The following DPP10 variants were observed in gnomAD, a reference collection of about 807,000 sequenced individuals.
The protein encoded by DPP10 is inactive dipeptidyl peptidase 10.
Under a neutral mutation model 120.9 loss-of-function variants are expected in DPP10, and 33 were observed. The observed-to-expected ratio is 0.27, with a 90% confidence interval of 0.21 to 0.37. DPP10 has a LOEUF of 0.37. DPP10 is among the 10% of genes least tolerant of loss of function. DPP10 has a pLI of 1.00. For synonymous variants in DPP10, 337 were observed against 326.1 expected, an observed-to-expected ratio of 1.03 and a Z score of -0.36; for missense variants, 816 against 942.8, an observed-to-expected ratio of 0.87 and a Z score of 1.76.
intron 21 of DPP10, among the ~76,000 whole-genome samples, chr2:115,819,310 A>G (rs1214972013): frequency 1.3e-5 from 2 of 152,198 alleles, no homozygotes; most frequent in Non-Finnish European, 2.9e-5. Context: ...TTCACTTCAT[A>G]TAACTTTTCA....
chr2:115,063,432 T>C (rs551010305), intron 1 of DPP10, among the ~76,000 whole-genome samples: 14 of 151,990 alleles, frequency 9.2e-5, no homozygotes, highest in African/African-American at 3.4e-4. Context: ...GTTTCAATTG[T>C]TACCAAAAAA....
chr2:115,365,090 A>G (rs2065003657), intron 3 of DPP10, among the ~76,000 whole-genome samples: 1 of 152,270 alleles, frequency 6.6e-6, no homozygotes, highest in Non-Finnish European at 1.5e-5. Flanking sequence ...TCTTCCAATT[A>G]CTAAGGTAAG....
chr2:115,376,130 A>G (rs2065775543), intron 3 of DPP10, among the ~76,000 whole-genome samples: 1 of 152,236 alleles, frequency 6.6e-6, no homozygotes, highest in South Asian at 2.1e-4. Context: ...GCAGCAAGGT[A>G]TAAAACAAAT....
chr2:114,559,891 C>CAAAAAAAAAAAAAAA (rs60833358), intron 1 of DPP10, among the ~76,000 whole-genome samples: 181 of 65,552 alleles, frequency 2.8e-3, no homozygotes, highest in East Asian at 5.4e-3. Flanking sequence ...AGAAAAAAAG[C>CAAAAAAAAAAAAAAA]AAAAAAAAAA....
chr2:115,194,423 C>T (rs939511971), intron 1 of DPP10, among the ~76,000 whole-genome samples: 1 of 152,118 alleles, frequency 6.6e-6, no homozygotes, highest in African/African-American at 2.4e-5. Context: ...GGGATTTCTC[C>T]GTGTTAAGGA....
At chr2:114,506,324 G>A (rs189011645) in intron 1 of DPP10, among the ~76,000 whole-genome samples, 4 of 152,226 alleles carry the variant, frequency 2.6e-5, no homozygotes, top group African/African-American at 7.2e-5. Flanking sequence ...AGAGGAATCC[G>A]GCCGTTCCTC....
chr2:115,414,020 A>G (rs1340401330), intron 3 of DPP10, among the ~76,000 whole-genome samples: 1 of 152,124 alleles, frequency 6.6e-6, no homozygotes, highest in Non-Finnish European at 1.5e-5. Flanking sequence ...TCAAGGCCTT[A>G]AAGATAAGCC....
chr2:114,774,663 A>ATG (rs976434797), intron 1 of DPP10, among the ~76,000 whole-genome samples: 2 of 145,804 alleles, frequency 1.4e-5, no homozygotes, highest in African/African-American at 5.1e-5. Context: ...ATCAATAATG[A>ATG]TGTATATATA....
At chr2:115,194,660 G>C (rs147853037) in intron 1 of DPP10, among the ~76,000 whole-genome samples, 1 of 152,272 alleles carries the variant, frequency 6.6e-6, no homozygotes, top group Admixed American at 6.5e-5. Flanking sequence ...TTTGTATAAA[G>C]GCTTTGTTTT....
At chr2:114,976,513 C>T (rs1255729506) in intron 1 of DPP10, among the ~76,000 whole-genome samples, 1 of 152,144 alleles carries the variant, frequency 6.6e-6, no homozygotes, top group African/African-American at 2.4e-5. Flanking sequence ...TGCCTGTTGC[C>T]TTTTTCCTCA....
chr2:114,484,558 G>C (rs946297552), intron 1 of DPP10, among the ~76,000 whole-genome samples: 2 of 152,060 alleles, frequency 1.3e-5, no homozygotes, highest in Non-Finnish European at 2.9e-5. Flanking sequence ...GTTGTTTTGT[G>C]GTTTTTTAAT....
chr2:115,576,322 TTGAA>T (rs2081653113), intron 5 of DPP10, among the ~76,000 whole-genome samples: 1 of 152,124 alleles, frequency 6.6e-6, no homozygotes, highest in Non-Finnish European at 1.5e-5. Context: ...CGGTAATTGG[TTGAA>T]TGGTGTATAG....
rs528965815 is a variant in DPP10, at chr2:114,609,013, C to T, written c.60+166175C>T. ...TCACGCAATATACTCAGGTAGCAAA[C>T]GTGTGCATATACCCCAAGAATCTAA... is the stretch of plus-strand genomic sequence containing the variant. On this transcript the variant is annotated intron_variant, in intron 1 of 25. Coordinates refer to ENST00000410059, the MANE Select transcript of DPP10 (RefSeq NM_020868.6). 5.3e-5 allele frequency among the ~76,000 whole-genome samples: 8 copies of T among 151,938 alleles called. 1 individual carries two copies. In the South Asian group the frequency reaches 1.2e-3, roughly 24 times the overall value.
intron 1 of DPP10, chr2:114,835,238 G>T (rs1370861635): frequency 7.0e-6 from 1 of 143,564 alleles, no homozygotes; most frequent in African/African-American, 2.6e-5. Flanking sequence ...ACACCTATGT[G>T]TATATAGGAC....
At chr2:114,596,122 C>G (rs1691887266) in intron 1 of DPP10, among the ~76,000 whole-genome samples, 1 of 146,160 alleles carries the variant, frequency 6.8e-6, no homozygotes, top group Admixed American at 7.0e-5. Context: ...TTAAAAATTA[C>G]TTGTGAATCA....
In DPP10 at chr2:115,836,219, A is replaced by C; in HGVS notation, c.2013A>C (p.Gly671=). 6.2e-7 allele frequency: 1 copy of C among 1,609,044 alleles called. No homozygotes were observed. Among genetic ancestry groups the C allele is most frequent in the East Asian group, 2.2e-5 (1 of 44,510 alleles). The change falls in exon 22 of 26, where the codon GGA becomes GGC. Residue 671 remains glycine (G), a synonymous_variant. Transcript: ENST00000410059. ...CAGATGAAAAGCTTTTTAAATGTGG[A>C]TCCGTGGTTGCACCTATCACAGACT... The part of the protein sequence containing the change: ...LKSDEKLFKC[G]SVVAPITDLK...
chr2:114,722,753 G>C (rs1337888614), intron 1 of DPP10, among the ~76,000 whole-genome samples: 2 of 132,422 alleles, frequency 1.5e-5, no homozygotes, highest in African/African-American at 2.9e-5. Context: ...TCCAGCCTGG[G>C]AGACAGAGCT....
rs115109391 is a variant in DPP10, at chr2:114,869,851, C to T, written c.60+427013C>T. 2.2e-3 allele frequency among the ~76,000 whole-genome samples: 332 copies of T among 152,296 alleles called. 4 individuals carry two copies. The highest frequency in any genetic ancestry group is 7.7e-3 in the African/African-American group (322 of 41,568). Reference sequence around the variant, plus strand: ...TAAGGGACGGCCTCCAGAACCTGAACGCATGCTTTTCAGTGCTGTCTTCTT... The same window carrying T: ...TAAGGGACGGCCTCCAGAACCTGAATGCATGCTTTTCAGTGCTGTCTTCTT... On this transcript the variant is annotated intron_variant, in intron 1 of 25. Coordinates refer to ENST00000410059, the MANE Select transcript of DPP10 (RefSeq NM_020868.6).
intron 5 of DPP10, among the ~76,000 whole-genome samples, chr2:115,656,842 G>T (rs1272780499): frequency 2.0e-5 from 3 of 151,642 alleles, no homozygotes; most frequent in Non-Finnish European, 4.4e-5. Context: ...TATAAAATTT[G>T]AGAAGTGCTT....
Sources: allele counts gnomAD v4.1 joint callset (sites outside exome capture counted in the v4.1 genomes callset), GRCh38; gene constraint gnomAD v4.1.1; transcripts MANE v1.5; gene names NCBI Gene and HGNC (gene_info 2026-07-23, HGNC 2026-07-21).